CNTN4: variants seen among roughly 807,000 people sequenced by gnomAD.
The protein encoded by CNTN4 is contactin-4.
CNTN4 carries 77 observed loss-of-function variants against 122.5 expected under a neutral mutation model. That is an observed-to-expected ratio of 0.63 (90% CI 0.52 to 0.76). The LOEUF (loss-of-function observed/expected upper bound fraction) is 0.76, where lower values mean the gene tolerates loss of function less well. Ranked by LOEUF, CNTN4 falls within the 30% of genes least tolerant of loss-of-function variation. The probability of loss-of-function intolerance (pLI) is 0.00; values close to 1 mark genes in which losing one functional copy is unlikely to be tolerated. For synonymous variants in CNTN4, 512 were observed against 447.0 expected (o/e 1.15, Z -1.83); for missense variants, 1,256 against 1,259.1 (o/e 1.00, Z 0.04).
At chr3:2,597,174 C>T (rs925905752) in intron 4 of CNTN4, among the ~76,000 whole-genome samples, 2 of 152,188 alleles carry the variant, frequency 1.3e-5, no homozygotes, top group Non-Finnish European at 2.9e-5. Flanking sequence ...CACCTGCATT[C>T]TTTTGCAGCT....
At chr3:2,167,737 C>G (rs1326949614) in intron 2 of CNTN4, among the ~76,000 whole-genome samples, 4 of 152,134 alleles carry the variant, frequency 2.6e-5, no homozygotes, top group Non-Finnish European at 5.9e-5. Flanking sequence ...TGAAAACATT[C>G]GAACAAAATA....
chr3:2,758,786 C>T (rs1361357507), intron 6 of CNTN4, among the ~76,000 whole-genome samples: 1 of 151,800 alleles, frequency 6.6e-6, no homozygotes, highest in Non-Finnish European at 1.5e-5. Flanking sequence ...GAATTACAGG[C>T]GGGAGCCACC....
intron 2 of CNTN4, among the ~76,000 whole-genome samples, chr3:2,193,069 TATG>T (rs1184972749): frequency 6.6e-6 from 1 of 152,200 alleles, no homozygotes; most frequent in Non-Finnish European, 1.5e-5. Flanking sequence ...TTCCCTTACT[TATG>T]ATGCATCTTT....
At chr3:3,036,592 G>A (rs911303834) in intron 17 of CNTN4, among the ~76,000 whole-genome samples, 4 of 140,292 alleles carry the variant, frequency 2.9e-5, no homozygotes, top group African/African-American at 5.3e-5. Context: ...GCGAAATCCC[G>A]TCTCTACTAA....
At chr3:2,605,246 G>A (rs1165779898) in intron 4 of CNTN4, among the ~76,000 whole-genome samples, 1 of 152,138 alleles carries the variant, frequency 6.6e-6, no homozygotes, top group Non-Finnish European at 1.5e-5. Context: ...AAGTGTTCCC[G>A]AGTTGGGATT....
intron 12 of CNTN4, among the ~76,000 whole-genome samples, chr3:2,924,941 T>C (rs547221438): frequency 6.6e-6 from 1 of 150,478 alleles, no homozygotes; most frequent in East Asian, 1.9e-4. Flanking sequence ...CCTACACAAT[T>C]AAAAAAAAAA....
chr3:2,424,562 A>C lies in CNTN4; in HGVS notation c.-89+85329A>C, dbSNP rs532080365. ...TATCTTTATAGCAGCATGATTTATA[A>C]TCCTTTGGGTATATACCCAGTAATG... On this transcript the variant is annotated intron_variant, in intron 3 of 24. Coordinates refer to ENST00000418658, the MANE Select transcript of CNTN4 (RefSeq NM_175607.3). Among the ~76,000 whole-genome samples, 449 of 152,186 alleles carry C rather than the reference A, an allele frequency of 3.0e-3. 2 individuals are homozygous for C. Among genetic ancestry groups the C allele is most frequent in the Non-Finnish European group, 5.0e-3 (343 of 67,998 alleles).
chr3:2,552,540 G>T (rs192657329), intron 3 of CNTN4, among the ~76,000 whole-genome samples: 2 of 152,168 alleles, frequency 1.3e-5, no homozygotes, highest in East Asian at 3.9e-4. Flanking sequence ...GCTAATTAAG[G>T]AATTAATATG....
chr3:2,586,804 T>C (rs2149615076), intron 4 of CNTN4, among the ~76,000 whole-genome samples: 1 of 152,298 alleles, frequency 6.6e-6, no homozygotes, highest in South Asian at 2.1e-4. Context: ...ATTTCTGCTT[T>C]CCCTCAAGAA....
intron 13 of CNTN4, among the ~76,000 whole-genome samples, chr3:2,976,459 T>C (rs112049903): frequency 0.056 from 8,448 of 152,186 alleles, 636 homozygotes; most frequent in African/African-American, 0.17. Context: ...AAGCAAATTA[T>C]CTCTAAGGGA....
At chr3:2,951,105 T>C (rs1246931506) in intron 13 of CNTN4, among the ~76,000 whole-genome samples, 1 of 152,138 alleles carries the variant, frequency 6.6e-6, no homozygotes, top group Non-Finnish European at 1.5e-5. Flanking sequence ...ACGAGAAGCT[T>C]AGAATTGTGT....
intron 4 of CNTN4, among the ~76,000 whole-genome samples, chr3:2,612,562 A>G (rs1319996685): frequency 6.6e-6 from 1 of 152,128 alleles, no homozygotes; most frequent in Non-Finnish European, 1.5e-5. Context: ...TGGTTTCACA[A>G]GGTAAAGGCC....
chr3:2,714,762 G>A (rs1263930410), intron 4 of CNTN4, among the ~76,000 whole-genome samples: 1 of 152,152 alleles, frequency 6.6e-6, no homozygotes, highest in Non-Finnish European at 1.5e-5. Flanking sequence ...TTTGGAGACA[G>A]GGTCTCGCTC....
chr3:2,626,008 A>G (rs1415598165), intron 4 of CNTN4, among the ~76,000 whole-genome samples: 1 of 152,156 alleles, frequency 6.6e-6, no homozygotes, highest in Non-Finnish European at 1.5e-5. Context: ...GTTTGAAATG[A>G]TATCTCAATA....
At chr3:2,510,149 C>A (rs1211096502) in intron 3 of CNTN4, among the ~76,000 whole-genome samples, 1 of 152,142 alleles carries the variant, frequency 6.6e-6, no homozygotes, top group African/African-American at 2.4e-5. Flanking sequence ...CCCTCCATCC[C>A]CAAATTTTTG....
At chr3:2,145,546 T>C (rs767635013) in intron 2 of CNTN4, among the ~76,000 whole-genome samples, 1 of 152,158 alleles carries the variant, frequency 6.6e-6, no homozygotes, top group South Asian at 2.1e-4. Flanking sequence ...AGAAGACAGA[T>C]AGGAAAGGAC....
intron 2 of CNTN4, among the ~76,000 whole-genome samples, chr3:2,186,705 G>T (rs1211397405): frequency 2.0e-5 from 3 of 152,148 alleles, no homozygotes; most frequent in Non-Finnish European, 4.4e-5. Context: ...TTTTTCATGT[G>T]TCTGTTGGCT....
intron 3 of CNTN4, among the ~76,000 whole-genome samples, chr3:2,550,839 C>T (rs1163534853): frequency 6.6e-6 from 1 of 152,088 alleles, no homozygotes; most frequent in Non-Finnish European, 1.5e-5. Context: ...TCTCAGCCAA[C>T]TAACACAAGA....
At position 2,650,076 on chromosome 3, in the gene CNTN4, A is replaced by AATATATATAT. The variant is rs139412989; in HGVS notation, c.55+78526_55+78535dup. Among the ~76,000 whole-genome samples the AATATATATAT allele has an allele frequency of 1.2e-4, 17 of 145,570 alleles. No individual in the cohort carries two copies. The East Asian group carries it at 1.4e-3, about 12-fold the overall frequency. ...TATGTATAAAATATGTATTTTTATA[A>AATATATATAT]ATATATATATATATATAAAAGGGAA... On this transcript the variant is annotated intron_variant, in intron 4 of 24. Coordinates refer to ENST00000418658, the MANE Select transcript of CNTN4 (RefSeq NM_175607.3).
Sources: allele counts gnomAD v4.1 joint callset (sites outside exome capture counted in the v4.1 genomes callset), GRCh38; gene constraint gnomAD v4.1.1; transcripts MANE v1.5; gene names NCBI Gene and HGNC (gene_info 2026-07-23, HGNC 2026-07-21).